The following NLRP11 variants were observed in gnomAD, a reference collection of about 807,000 sequenced individuals.
NLRP11 encodes NLR family pyrin domain containing 11.
NLRP11 carries 53 observed loss-of-function variants against 79.3 expected under a neutral mutation model. The ratio of observed to expected loss-of-function variants is 0.67; its 90% CI spans 0.54 to 0.84. The LOEUF (loss-of-function observed/expected upper bound fraction) is 0.84, where lower values mean the gene tolerates loss of function less well. NLRP11 is among the 40% of genes least tolerant of loss of function. The pLI is 0.00. For missense variants in NLRP11, 1,264 were observed against 1,255.0 expected, an observed-to-expected ratio of 1.01 and a Z score of -0.11; for synonymous variants, 518 against 462.6, an observed-to-expected ratio of 1.12 and a Z score of -1.54.
At chr19:55,792,916 C>G (rs1012906423) in intron 6 of NLRP11, among the ~76,000 whole-genome samples, 1 of 152,126 alleles carries the variant, frequency 6.6e-6, no homozygotes, top group South Asian at 2.1e-4. Flanking sequence ...CACCAGAAGC[C>G]CTGTTGTTAG....
At chr19:55,804,270 C>A (rs1979767255) in intron 4 of NLRP11, among the ~76,000 whole-genome samples, 1 of 152,090 alleles carries the variant, frequency 6.6e-6, no homozygotes, top group Non-Finnish European at 1.5e-5. Context: ...TGGGTATATA[C>A]CCAAAGGAAT....
intron 6 of NLRP11, among the ~76,000 whole-genome samples, chr19:55,795,575 C>T (rs778955964): frequency 1.1e-4 from 17 of 151,956 alleles, no homozygotes; most frequent in East Asian, 3.9e-4. Context: ...CTGCAACCTC[C>T]GCCTCCCGGG....
intron 1 of NLRP11, among the ~76,000 whole-genome samples, chr19:55,821,222 C>T (rs1044700550): frequency 9.7e-6 from 1 of 103,024 alleles, no homozygotes; most frequent in Non-Finnish European, 1.7e-5. Context: ...CACACACACA[C>T]ACACACACAC....
At chr19:55,829,057 C>T (rs957653360) in intron 1 of NLRP11, among the ~76,000 whole-genome samples, 11 of 152,146 alleles carry the variant, frequency 7.2e-5, no homozygotes, top group Middle Eastern at 3.2e-3. Context: ...CAGTCAACAG[C>T]AACTTCCAGC....
At chr19:55,796,557 T>C (rs1168294553) in intron 5 of NLRP11, among the ~76,000 whole-genome samples, 3 of 152,152 alleles carry the variant, frequency 2.0e-5, no homozygotes, top group Non-Finnish European at 4.4e-5. Context: ...CACCTGACCA[T>C]GGGATGTGGG....
intron 1 of NLRP11, among the ~76,000 whole-genome samples, chr19:55,821,679 G>A (rs1485674969): frequency 7.0e-6 from 1 of 143,238 alleles, no homozygotes; most frequent in Admixed American, 6.9e-5. Context: ...CATTAACATT[G>A]TTAGTGATGG....
At position 55,817,978 on chromosome 19, in the gene NLRP11, CATAT is replaced by C; in HGVS notation, c.193_196del (p.Ile65GlyfsTer10). 6.2e-7 allele frequency: 1 copy of C among 1,610,528 alleles called. No individual in the cohort carries two copies. The highest frequency in any genetic ancestry group is 8.5e-7 in the Non-Finnish European group (1 of 1,176,744). On this transcript the variant is annotated frameshift_variant, in exon 2 of 10. Transcript: ENST00000589093. LOFTEE classifies it high-confidence loss of function. ...TGAAAATATGCTGAAGAGCATATTC[CATAT>C]ATACTGTCCCTCATAAGAGATTGGC...
chr19:55,821,049 T>C (rs1981647139), intron 1 of NLRP11, among the ~76,000 whole-genome samples: 1 of 152,126 alleles, frequency 6.6e-6, no homozygotes, highest in African/African-American at 2.4e-5. Context: ...ACAGACAACA[T>C]GGCTTATGCT....
chr19:55,798,770 C>T (rs893171214), intron 5 of NLRP11, among the ~76,000 whole-genome samples: 3 of 151,480 alleles, frequency 2.0e-5, no homozygotes, highest in Non-Finnish European at 2.9e-5. Context: ...ACACACACAC[C>T]GGAAAACAAA....
chr19:55,794,333 A>T (rs950175054), intron 6 of NLRP11, among the ~76,000 whole-genome samples: 1 of 152,220 alleles, frequency 6.6e-6, no homozygotes, highest in African/African-American at 2.4e-5. Flanking sequence ...AAAAATATCT[A>T]TTTGGAGTCT....
At position 55,791,054 on chromosome 19, in the gene NLRP11, G is replaced by GT. The variant is rs768447473; in HGVS notation, c.2513+1246dup. Among the ~76,000 whole-genome samples the GT allele has an allele frequency of 8.0e-4, 122 of 152,188 alleles. 1 individual carries two copies. The highest frequency in any genetic ancestry group is 1.4e-3 in the Non-Finnish European group (98 of 68,006). ...CTGAGAGCCAAATCTAGACAACTTT[G>GT]TTTTTTATTTATAAAGTTTTATTGG... is the stretch of plus-strand genomic sequence containing the variant. On this transcript the variant is annotated intron_variant, in intron 7 of 9. Coordinates refer to ENST00000589093, the Ensembl canonical transcript of NLRP11.
intron 1 of NLRP11, among the ~76,000 whole-genome samples, chr19:55,822,141 G>A (rs1981805255): frequency 6.6e-6 from 1 of 152,142 alleles, no homozygotes; most frequent in Admixed American, 6.5e-5. Flanking sequence ...GTGGCTACCT[G>A]TAATCCCAGC....
intron 6 of NLRP11, among the ~76,000 whole-genome samples, chr19:55,793,555 CCAAAAAAAAA>C (rs1978495915): frequency 3.3e-5 from 1 of 30,668 alleles, no homozygotes. Flanking sequence ...GTGACTGTCT[CCAAAAAAAAA>C]AAAAAAAAAA....
At chr19:55,816,767 G>A (rs1357323434) in intron 2 of NLRP11, among the ~76,000 whole-genome samples, 20 of 152,152 alleles carry the variant, frequency 1.3e-4, no homozygotes, top group Non-Finnish European at 2.9e-5. Flanking sequence ...ATCTGCTCTA[G>A]CTCAAGTACT....
At chr19:55,829,528 G>A (rs544148939) in intron 1 of NLRP11, among the ~76,000 whole-genome samples, 11 of 151,882 alleles carry the variant, frequency 7.2e-5, no homozygotes, top group Non-Finnish European at 1.5e-4. Context: ...TTAGCCGGGC[G>A]TGGTGGCACG....
chr19:55,800,267 G>A (rs866298814), intron 5 of NLRP11, among the ~76,000 whole-genome samples: 6 of 152,132 alleles, frequency 3.9e-5, no homozygotes, highest in African/African-American at 1.4e-4. Context: ...TGAGGCACTG[G>A]ATTGTTAGTT....
chr19:55,820,222 A>G (rs1380030749), intron 1 of NLRP11, among the ~76,000 whole-genome samples: 2 of 152,148 alleles, frequency 1.3e-5, no homozygotes, highest in African/African-American at 4.8e-5. Context: ...CTGGCAGAAA[A>G]AACAATAAGG....
At chr19:55,803,966 C>T (rs553845797) in intron 4 of NLRP11, among the ~76,000 whole-genome samples, 86 of 152,302 alleles carry the variant, frequency 5.6e-4, no homozygotes, top group African/African-American at 1.8e-3. Flanking sequence ...TCTGTAATCC[C>T]AGCTACTCAG....
intron 2 of NLRP11, among the ~76,000 whole-genome samples, chr19:55,817,094 G>A (rs144678524): frequency 6.6e-5 from 10 of 152,098 alleles, no homozygotes; most frequent in Admixed American, 2.6e-4. Context: ...GCTCAACATC[G>A]CTAATGACCA....
Sources: allele counts gnomAD v4.1 joint callset (sites outside exome capture counted in the v4.1 genomes callset), GRCh38; gene constraint gnomAD v4.1.1; transcripts MANE v1.5; gene names NCBI Gene and HGNC (gene_info 2026-07-23, HGNC 2026-07-21).